MYLK: variants seen among roughly 807,000 people sequenced by gnomAD.
MYLK encodes the protein myosin light chain kinase, smooth muscle.
A neutral mutation model predicts 203.4 loss-of-function variants in MYLK; 106 were observed. That is an observed-to-expected ratio of 0.52 (90% CI 0.45 to 0.61). The LOEUF (loss-of-function observed/expected upper bound fraction) is 0.61, where lower values mean the gene tolerates loss of function less well. Among genes scored for constraint, MYLK ranks in the 20% least tolerant of loss-of-function variants. The pLI is 0.00. For missense variants in MYLK, 2,072 were observed against 2,442.3 expected (o/e 0.85, Z 3.20); for synonymous variants, 867 against 959.5 (o/e 0.90, Z 1.78).
intron 4 of MYLK, among the ~76,000 whole-genome samples, chr3:123,787,939 C>T (rs1331417851): frequency 1.3e-5 from 2 of 152,136 alleles, no homozygotes; most frequent in African/African-American, 4.8e-5. Context: ...GGGAGCAGGA[C>T]CATCACCAAA....
At position 123,657,145 on chromosome 3, in the gene MYLK, C is replaced by T. The variant is rs574785619; in HGVS notation, c.4269G>A (p.Thr1423=). 57 of 1,614,148 alleles carry T rather than the reference C, an allele frequency of 3.5e-5. No homozygotes were observed. The highest frequency in any genetic ancestry group is 1.8e-4 in the Admixed American group (11 of 60,024). Residue 1423 remains threonine (T), a synonymous_variant, in exon 24 of 34, where the codon ACG becomes ACA. Coordinates refer to ENST00000360304, the MANE Select transcript of MYLK (RefSeq NM_053025.4). The part of the protein sequence containing the change: ...SEPSQESELT[T]VGEKPEEPKD... ...GCCTACCTTCAGGTTTCTCTCCTAC[C>T]GTTGTGAGTTCAGACTCCTGGCTTG...
chr3:123,832,789 T>G (rs577261167), intron 2 of MYLK, among the ~76,000 whole-genome samples: 1 of 152,298 alleles, frequency 6.6e-6, no homozygotes, highest in South Asian at 2.1e-4. Flanking sequence ...GATCTTGGAC[T>G]TCCATTTTCC....
intron 1 of MYLK, among the ~76,000 whole-genome samples, chr3:123,883,085 C>G (rs1000001994): frequency 2.6e-5 from 4 of 152,144 alleles, no homozygotes; most frequent in African/African-American, 9.7e-5. Flanking sequence ...CCTAAGCCCA[C>G]CATCTGGAAA....
chr3:123,841,644 C>T (rs942590772), intron 2 of MYLK, among the ~76,000 whole-genome samples: 1 of 152,108 alleles, frequency 6.6e-6, no homozygotes, highest in African/African-American at 2.4e-5. Flanking sequence ...ATATTTCTAG[C>T]CTTTCTTTCC....
chr3:123,708,100 G>A, intron 15 of MYLK, 97 bp from the exon 16 acceptor site: 1 of 1,528,126 alleles, frequency 6.5e-7, no homozygotes, highest in Non-Finnish European at 8.9e-7. Context: ...AAGATAGCAT[G>A]TCACCCAAGT....
intron 13 of MYLK, among the ~76,000 whole-genome samples, chr3:123,714,494 G>A (rs1366241637): frequency 6.6e-6 from 1 of 152,164 alleles, no homozygotes; most frequent in East Asian, 1.9e-4. Context: ...TTGTCTCAGA[G>A]AGCCCAAGAC....
chr3:123,753,276 T>A (rs1008605606), intron 4 of MYLK, among the ~76,000 whole-genome samples: 6 of 152,260 alleles, frequency 3.9e-5, no homozygotes, highest in African/African-American at 1.4e-4. Flanking sequence ...TTGAATTAAA[T>A]GTATTCAGAT....
intron 23 of MYLK, among the ~76,000 whole-genome samples, chr3:123,660,409 C>A (rs1318956222): frequency 6.6e-6 from 1 of 152,178 alleles, no homozygotes; most frequent in Non-Finnish European, 1.5e-5. Flanking sequence ...AAGAGACCTG[C>A]TTTTCTCGTG....
intron 11 of MYLK, 56 bp downstream of exon 11, chr3:123,732,840 C>T: frequency 2.6e-6 from 4 of 1,546,574 alleles, no homozygotes; most frequent in Non-Finnish European, 3.6e-6. Context: ...AGGTGAAGCA[C>T]CCCATGAATG....
chr3:123,722,952 A>G (rs1375740250), intron 12 of MYLK, among the ~76,000 whole-genome samples: 1 of 152,186 alleles, frequency 6.6e-6, no homozygotes, highest in Non-Finnish European at 1.5e-5. Flanking sequence ...GACATGTTCC[A>G]GGTAACATAA....
At chr3:123,661,314 G>A (rs2059553777) in intron 23 of MYLK, among the ~76,000 whole-genome samples, 1 of 152,168 alleles carries the variant, frequency 6.6e-6, no homozygotes, top group Non-Finnish European at 1.5e-5. Flanking sequence ...GAGCAGATGA[G>A]AGAGAACATC....
intron 22 of MYLK, among the ~76,000 whole-genome samples, chr3:123,664,905 A>G (rs771745179): frequency 7.9e-5 from 12 of 152,222 alleles, no homozygotes; most frequent in Non-Finnish European, 1.5e-4. Flanking sequence ...CATTGATATG[A>G]AATGTCCAGA....
intron 23 of MYLK, among the ~76,000 whole-genome samples, chr3:123,658,853 T>G (rs1166329305): frequency 6.6e-6 from 1 of 152,204 alleles, no homozygotes; most frequent in East Asian, 1.9e-4. Context: ...ATATTCATTC[T>G]TGTCCCCTCT....
chr3:123,829,067 A>G (rs966462050), intron 3 of MYLK, among the ~76,000 whole-genome samples: 3 of 152,248 alleles, frequency 2.0e-5, no homozygotes, highest in African/African-American at 7.2e-5. Context: ...TAAAACAGCC[A>G]TATGATCCAG....
At chr3:123,765,931 G>C (rs1405915407) in intron 4 of MYLK, among the ~76,000 whole-genome samples, 2 of 152,118 alleles carry the variant, frequency 1.3e-5, no homozygotes, top group Non-Finnish European at 2.9e-5. Context: ...GAAGTAAGAA[G>C]TTATTGTTTA....
At chr3:123,799,116 A>T (rs1330042458) in intron 3 of MYLK, among the ~76,000 whole-genome samples, 1 of 152,168 alleles carries the variant, frequency 6.6e-6, no homozygotes, top group East Asian at 1.9e-4. Flanking sequence ...AAGTAAGAAG[A>T]AAAAACAGGG....
chr3:123,647,491 T>G, intron 26 of MYLK, 64 bp from the exon 27 acceptor site: 1 of 1,384,822 alleles, frequency 7.2e-7, no homozygotes, highest in Non-Finnish European at 1.0e-6. Context: ...AACTTGGGGT[T>G]GGCAAATTAT....
chr3:123,702,370 T>C (rs1476207503), intron 16 of MYLK, among the ~76,000 whole-genome samples: 1 of 152,210 alleles, frequency 6.6e-6, no homozygotes, highest in Non-Finnish European at 1.5e-5. Flanking sequence ...AACAACTGCA[T>C]TTCATACAGC....
chr3:123,709,214 C>T (rs181654541), intron 14 of MYLK: 3,648 of 212,828 alleles, frequency 0.017, 47 homozygotes, highest in Middle Eastern at 0.038. Context: ...GATCTCGGCT[C>T]ACTGCAAGCT....
Sources: allele counts gnomAD v4.1 joint callset (sites outside exome capture counted in the v4.1 genomes callset), GRCh38; gene constraint gnomAD v4.1.1; transcripts MANE v1.5; gene names NCBI Gene and HGNC (gene_info 2026-07-23, HGNC 2026-07-21).